The following RIMBP2 variants were observed in gnomAD, a reference collection of about 807,000 sequenced individuals.
RIMBP2 encodes the protein RIMS-binding protein 2.
A neutral mutation model predicts 118.6 loss-of-function variants in RIMBP2; 48 were observed. The observed-to-expected ratio is 0.40, with a 90% CI of 0.32 to 0.51. RIMBP2 has a LOEUF of 0.51. Ranked by LOEUF, RIMBP2 falls within the 20% of genes least tolerant of loss-of-function variation. The probability of loss-of-function intolerance (pLI) is 0.41; values close to 1 mark genes in which losing one functional copy is unlikely to be tolerated. For missense variants in RIMBP2, 1,551 were observed against 1,768.3 expected (o/e 0.88, Z 2.20); for synonymous variants, 762 against 742.9 (o/e 1.03, Z -0.42).
At chr12:130,519,556 C>T (rs1402682186) in intron 2 of RIMBP2, among the ~76,000 whole-genome samples, 2 of 152,156 alleles carry the variant, frequency 1.3e-5, no homozygotes. Context: ...TAGTCCCACA[C>T]TGGTTGCTTG....
At chr12:130,547,707 C>T (rs2055317218) in intron 2 of RIMBP2, among the ~76,000 whole-genome samples, 2 of 152,234 alleles carry the variant, frequency 1.3e-5, no homozygotes, top group South Asian at 2.1e-4. Context: ...TTAGCGATTC[C>T]CAACTGGTTC....
At chr12:130,567,808 G>A (rs1042595984) in intron 2 of RIMBP2, among the ~76,000 whole-genome samples, 4 of 152,146 alleles carry the variant, frequency 2.6e-5, no homozygotes, top group Admixed American at 6.5e-5. Flanking sequence ...ACTCGGCATC[G>A]CCTTTCTAGG....
In RIMBP2 at chr12:130,670,490, C is replaced by A. The variant is rs908203771; in HGVS notation, c.-351-42034G>T. 2.0e-5 allele frequency among the ~76,000 whole-genome samples: 3 copies of A among 152,184 alleles called. No individual in the cohort carries two copies. Among genetic ancestry groups the A allele is most frequent in the African/African-American group, 7.2e-5 (3 of 41,442 alleles). On this transcript the variant is annotated intron_variant, in intron 1 of 22. Transcript: ENST00000690449. The surrounding 1 kb of genome is among the most constrained non-coding windows in gnomAD (Gnocchi z 4.9). The stretch of plus-strand genomic sequence containing the variant: ...CCTTGGTATGTGCAGCTCCCTCCAA[C>A]TGAGGCACCCTTCCCCCAGGGGTTC...
chr12:130,492,485 G>A (rs893112620), intron 4 of RIMBP2, among the ~76,000 whole-genome samples: 1 of 152,178 alleles, frequency 6.6e-6, no homozygotes, highest in African/African-American at 2.4e-5. Context: ...AGTGTTGATT[G>A]GTCTTTGATC....
chr12:130,619,724 G>A (rs931936522), intron 2 of RIMBP2, among the ~76,000 whole-genome samples: 7 of 152,274 alleles, frequency 4.6e-5, no homozygotes, highest in East Asian at 3.9e-4. Context: ...CTGTGCTCAC[G>A]GTCCCTTATC....
chr12:130,503,653 A>C (rs2050022993), intron 4 of RIMBP2, among the ~76,000 whole-genome samples: 1 of 152,178 alleles, frequency 6.6e-6, no homozygotes, highest in African/African-American at 2.4e-5. Context: ...TAACATTCCG[A>C]GTAAGAAAAC....
intron 6 of RIMBP2, among the ~76,000 whole-genome samples, chr12:130,464,169 T>A (rs1011470673): frequency 6.6e-6 from 1 of 152,220 alleles, no homozygotes; most frequent in Non-Finnish European, 1.5e-5. Context: ...GCTCTGCCTA[T>A]GGAGTGGCCA....
chr12:130,552,128 T>TA (rs2055857438), intron 2 of RIMBP2, among the ~76,000 whole-genome samples: 1 of 152,210 alleles, frequency 6.6e-6, no homozygotes, highest in South Asian at 2.1e-4. Flanking sequence ...ATGGCAGACA[T>TA]AAAATCAATA....
chr12:130,569,437 G>C (rs995263267), intron 2 of RIMBP2, among the ~76,000 whole-genome samples: 2 of 152,182 alleles, frequency 1.3e-5, no homozygotes, highest in Non-Finnish European at 2.9e-5. Context: ...GAAAGCTGGG[G>C]CTGAGCCACG....
In RIMBP2 at chr12:130,637,561, C is replaced by G. The variant is rs139529190; in HGVS notation, c.-351-9105G>C. On this transcript the variant is annotated intron_variant, in intron 1 of 22. Transcript: ENST00000690449. Reference sequence around the variant, plus strand: ...ATAATAAGAGTAATGTGATTAGAACCAAAGCTTCAGGCCACAGTTAAGGAA... The same window carrying G: ...ATAATAAGAGTAATGTGATTAGAACGAAAGCTTCAGGCCACAGTTAAGGAA... Among the ~76,000 whole-genome samples the G allele has an allele frequency of 2.5e-3, 378 of 152,266 alleles. 11 individuals carry two copies. In the East Asian group the frequency reaches 0.063, roughly 25 times the overall value.
At chr12:130,546,222 G>C (rs2055147217) in intron 2 of RIMBP2, among the ~76,000 whole-genome samples, 1 of 149,876 alleles carries the variant, frequency 6.7e-6, no homozygotes, top group Non-Finnish European at 1.5e-5. Flanking sequence ...TCCTGCCTCA[G>C]CCACCCGAGT....
intron 6 of RIMBP2, chr12:130,466,142 C>G (rs2080463028): frequency 6.6e-6 from 1 of 152,206 alleles, no homozygotes; most frequent in South Asian, 2.1e-4. Context: ...CAGGACACGG[C>G]CCAGCACAGG....
At chr12:130,460,390 A>G (rs888835061) in intron 6 of RIMBP2, among the ~76,000 whole-genome samples, 2 of 152,190 alleles carry the variant, frequency 1.3e-5, no homozygotes, top group African/African-American at 4.8e-5. Context: ...TATCAGTAGT[A>G]CTGGTATTTT....
intron 1 of RIMBP2, among the ~76,000 whole-genome samples, chr12:130,638,282 G>A (rs188482555): frequency 8.6e-4 from 131 of 152,256 alleles, no homozygotes; most frequent in South Asian, 3.5e-3. Context: ...TCCAGATACT[G>A]GAATAACTCA....
intron 4 of RIMBP2, among the ~76,000 whole-genome samples, chr12:130,491,209 C>T (rs1357232500): frequency 2.6e-5 from 4 of 152,194 alleles, no homozygotes; most frequent in South Asian, 2.1e-4. Context: ...GGCACAACAA[C>T]GCTTGAAGCA....
At chr12:130,564,821 A>G (rs1593818595) in intron 2 of RIMBP2, among the ~76,000 whole-genome samples, 1 of 152,210 alleles carries the variant, frequency 6.6e-6, no homozygotes, top group African/African-American at 2.4e-5. Context: ...CTGAGCCTAC[A>G]GTTAATAAGG....
At chr12:130,500,405 C>T (rs559659399) in intron 4 of RIMBP2, among the ~76,000 whole-genome samples, 53 of 152,300 alleles carry the variant, frequency 3.5e-4, no homozygotes, top group Admixed American at 2.8e-3. Context: ...TTGCAGTGAG[C>T]CCAGATCACG....
Position 130,396,579 on chromosome 12 carries a change from T to C in RIMBP2, c.*782A>G, listed in dbSNP as rs1365758655. On this transcript the variant is annotated 3_prime_UTR_variant, in exon 23 of 23. Transcript: ENST00000690449. Reference sequence around the variant, plus strand: ...TGCCATTCATTGCTGTGTATTTGGGTATGGCATTTTGACAACGAAAGTAAC... The same window carrying C: ...TGCCATTCATTGCTGTGTATTTGGGCATGGCATTTTGACAACGAAAGTAAC... The C allele has an allele frequency of 1.3e-5, 2 of 152,660 alleles. No homozygotes were observed. Among genetic ancestry groups the C allele is most frequent in the Non-Finnish European group, 2.9e-5 (2 of 68,038 alleles). 9.5% of individuals were successfully genotyped at this position (152,660 alleles called of 1,614,324 possible). A position where few individuals can be genotyped will look rare whatever the true frequency, so the allele number is the denominator to read the frequency against.
intron 1 of RIMBP2, among the ~76,000 whole-genome samples, chr12:130,672,820 T>C (rs2064261885): frequency 6.6e-6 from 1 of 152,174 alleles, no homozygotes; most frequent in Admixed American, 6.5e-5. Context: ...TAGGAAAGTT[T>C]TGCACTTTGG....
Sources: allele counts gnomAD v4.1 joint callset (sites outside exome capture counted in the v4.1 genomes callset), GRCh38; gene constraint gnomAD v4.1.1; non-coding constraint Gnocchi (gnomAD v3.1); transcripts MANE v1.5; gene names NCBI Gene and HGNC (gene_info 2026-07-23, HGNC 2026-07-21).